Variants in SPECC1 observed in about 807,000 individuals in gnomAD.
The protein encoded by SPECC1 is cytospin-B.
SPECC1 carries 62 observed loss-of-function variants against 104.1 expected under a neutral mutation model. The ratio of observed to expected loss-of-function variants is 0.60; its 90% CI spans 0.49 to 0.74. SPECC1 has a LOEUF of 0.74. SPECC1 is among the 30% of genes least tolerant of loss of function. The pLI, the probability that SPECC1 is intolerant of heterozygous loss-of-function variation, is 0.00. For synonymous variants in SPECC1, 513 were observed against 501.6 expected, an observed-to-expected ratio of 1.02 and a Z score of -0.30; for missense variants, 1,306 against 1,310.5, an observed-to-expected ratio of 1.00 and a Z score of 0.05.
At chr17:20,134,416 A>G (rs1277772432) in intron 3 of SPECC1, among the ~76,000 whole-genome samples, 1 of 150,308 alleles carries the variant, frequency 6.7e-6, no homozygotes, top group Non-Finnish European at 1.5e-5. Context: ...ACTCCATAAC[A>G]TCCTTTCACT....
At chr17:20,234,056 C>A (rs1283228632) in intron 7 of SPECC1, among the ~76,000 whole-genome samples, 2 of 152,186 alleles carry the variant, frequency 1.3e-5, no homozygotes, top group Admixed American at 6.5e-5. Flanking sequence ...TTCTGAGACA[C>A]AGGCCAGACC....
intron 2 of SPECC1, among the ~76,000 whole-genome samples, chr17:20,105,541 C>A (rs1033805296): frequency 1.3e-5 from 2 of 152,154 alleles, no homozygotes; most frequent in Non-Finnish European, 2.9e-5. Context: ...CCCTCCCCAC[C>A]CTTGAAAACA....
intron 3 of SPECC1, chr17:20,156,267 G>GCCGCAA: frequency 7.7e-7 from 1 of 1,303,114 alleles, no homozygotes; most frequent in Non-Finnish European, 9.7e-7. Flanking sequence ...TCGCGCCGCA[G>GCCGCAA]CCGCAACCCC....
At chr17:20,208,127 T>C (rs762282817) in intron 4 of SPECC1, among the ~76,000 whole-genome samples, 3 of 152,238 alleles carry the variant, frequency 2.0e-5, no homozygotes, top group Non-Finnish European at 4.4e-5. Flanking sequence ...GCACAACATA[T>C]ATGTTTAAAA....
intron 3 of SPECC1, among the ~76,000 whole-genome samples, chr17:20,124,113 C>A (rs72830150): frequency 0.054 from 8,204 of 151,846 alleles, 295 homozygotes; most frequent in Non-Finnish European, 0.081. Flanking sequence ...GGAGGAGGGC[C>A]ATGAGCCAGG....
intron 3 of SPECC1, among the ~76,000 whole-genome samples, chr17:20,122,098 C>T (rs747307150): frequency 2.0e-5 from 3 of 152,088 alleles, no homozygotes; most frequent in South Asian, 2.1e-4. Flanking sequence ...ACGGCTGGCC[C>T]GTGTCCCCCA....
In SPECC1 at chr17:20,257,444, C is replaced by G. The variant is rs2151584441; in HGVS notation, c.2681-7C>G. ...GGGAATGAGTGATTATGTGGTTGTT[C>G]CCACAGATATTCTAAAGGGAAGGAC... On this transcript the variant is annotated splice_polypyrimidine_tract_variant and splice_region_variant and intron_variant, in intron 10 of 14. Coordinates refer to ENST00000395527, the MANE Select transcript of SPECC1 (RefSeq NM_001243439.2). The G allele has an allele frequency of 1.3e-6, 2 of 1,561,190 alleles. No individual in the cohort carries two copies. The highest frequency in any genetic ancestry group is 8.6e-7 in the Non-Finnish European group (1 of 1,159,642).
At chr17:20,174,638 A>G (rs1407267109) in intron 3 of SPECC1, among the ~76,000 whole-genome samples, 1 of 152,140 alleles carries the variant, frequency 6.6e-6, no homozygotes, top group African/African-American at 2.4e-5. Flanking sequence ...GGGAGTCTGC[A>G]GAGAATCTGT....
intron 3 of SPECC1, among the ~76,000 whole-genome samples, chr17:20,203,481 C>T (rs2036566732): frequency 6.6e-6 from 1 of 152,138 alleles, no homozygotes; most frequent in African/African-American, 2.4e-5. Context: ...TGTATTATGT[C>T]TATATCATGT....
rs1259415840 is a variant in SPECC1, at chr17:20,112,034, A to G, written c.283+1472A>G. On this transcript the variant is annotated intron_variant, in intron 3 of 14. Coordinates refer to ENST00000395527, the MANE Select transcript of SPECC1 (RefSeq NM_001243439.2). ...GTTTGTGTGTGAAGGAGAGCCATTT[A>G]TTGATCCTGACAGATTCTAAACCAC... 3 of 769,448 alleles carry G rather than the reference A, an allele frequency of 3.9e-6. No homozygotes were observed. In the East Asian group the frequency reaches 7.3e-5, roughly 19 times the overall value. The allele number at this position is 769,448 out of a possible 1,614,324, so 47.7% of individuals were successfully genotyped here.
chr17:20,051,278 C>T (rs2045767352), intron 1 of SPECC1, among the ~76,000 whole-genome samples: 2 of 151,908 alleles, frequency 1.3e-5, no homozygotes, highest in African/African-American at 2.4e-5. Flanking sequence ...TGGGTTCAAG[C>T]AATTCTCCTG....
intron 3 of SPECC1, among the ~76,000 whole-genome samples, chr17:20,173,020 A>T (rs1330618578): frequency 1.3e-5 from 2 of 152,246 alleles, no homozygotes; most frequent in South Asian, 4.1e-4. Flanking sequence ...GGCTACATCT[A>T]TGAAATCCCT....
chr17:20,156,034 C>T, intron 3 of SPECC1: 1 of 1,278,334 alleles, frequency 7.8e-7, no homozygotes, highest in Non-Finnish European at 9.9e-7. Flanking sequence ...AGAGCAGCGG[C>T]TCCGCCGGCA....
chr17:20,275,554 C>T (rs1197301757), intron 12 of SPECC1, among the ~76,000 whole-genome samples: 1 of 152,132 alleles, frequency 6.6e-6, no homozygotes, highest in African/African-American at 2.4e-5. Flanking sequence ...ACCTGAAAAC[C>T]CCAAAAATGT....
chr17:20,025,748 AC>A (rs1325796525), intron 1 of SPECC1, among the ~76,000 whole-genome samples: 1 of 152,200 alleles, frequency 6.6e-6, no homozygotes, highest in African/African-American at 2.4e-5. Context: ...CCTGGGTCAT[AC>A]GGTAACTCTG....
intron 3 of SPECC1, among the ~76,000 whole-genome samples, chr17:20,173,976 A>G (rs759938873): frequency 6.6e-5 from 10 of 150,916 alleles, no homozygotes; most frequent in African/African-American, 2.4e-4. Flanking sequence ...TTTGTTGCCC[A>G]TGCTGGAGTG....
intron 3 of SPECC1, among the ~76,000 whole-genome samples, chr17:20,132,716 T>G (rs1039205685): frequency 5.2e-4 from 19 of 36,576 alleles, no homozygotes; most frequent in East Asian, 2.2e-3. Context: ...TGTGTAGTTA[T>G]TTATTTATTT....
At chr17:20,070,082 C>G (rs1318007192) in intron 1 of SPECC1, among the ~76,000 whole-genome samples, 2 of 152,078 alleles carry the variant, frequency 1.3e-5, no homozygotes, top group Non-Finnish European at 2.9e-5. Flanking sequence ...TACTTTCTTA[C>G]CAATCTGGAT....
At position 20,208,510 on chromosome 17, in the gene SPECC1, T is replaced by TA. The variant is rs549725271; in HGVS notation, c.1863+2600dup. ...AACCATGAATTTAAATGATAATACTTAAGAGACTCATGTCCAAAGGATAAC... is the reference window on the plus strand; with the variant it reads ...AACCATGAATTTAAATGATAATACTTAAAGAGACTCATGTCCAAAGGATAAC... On this transcript the variant is annotated intron_variant, in intron 4 of 14. Transcript: ENST00000395527. Among the ~76,000 whole-genome samples the TA allele has an allele frequency of 2.2e-4, 33 of 152,328 alleles. No individual in the cohort carries two copies. In the East Asian group the frequency reaches 5.8e-3, roughly 27 times the overall value.
Sources: allele counts gnomAD v4.1 joint callset (sites outside exome capture counted in the v4.1 genomes callset), GRCh38; gene constraint gnomAD v4.1.1; transcripts MANE v1.5; gene names NCBI Gene and HGNC (gene_info 2026-07-23, HGNC 2026-07-21).